Variants in NELL1 observed in about 807,000 individuals in gnomAD.
The protein encoded by NELL1 is neural EGFL like 1.
Under a neutral mutation model 107.4 loss-of-function variants are expected in NELL1, and 76 were observed. The observed-to-expected ratio is 0.71, with a 90% CI of 0.59 to 0.86. NELL1 has a LOEUF of 0.86. NELL1 is among the 40% of genes least tolerant of loss of function. The probability of loss-of-function intolerance (pLI) is 0.00; values close to 1 mark genes in which losing one functional copy is unlikely to be tolerated. For missense variants in NELL1, 1,024 were observed against 1,005.5 expected, an observed-to-expected ratio of 1.02 and a Z score of -0.25; for synonymous variants, 353 against 341.2, an observed-to-expected ratio of 1.03 and a Z score of -0.38.
At chr11:21,542,244 C>T (rs1413172750) in intron 16 of NELL1, among the ~76,000 whole-genome samples, 2 of 152,006 alleles carry the variant, frequency 1.3e-5, no homozygotes, top group African/African-American at 2.4e-5. Flanking sequence ...TCCCAAATTC[C>T]GCAGCTGATA....
At chr11:20,907,125 C>G (rs1263671711) in intron 5 of NELL1, among the ~76,000 whole-genome samples, 2 of 149,486 alleles carry the variant, frequency 1.3e-5, no homozygotes, top group Non-Finnish European at 3.0e-5. Flanking sequence ...ATCTCAAAAT[C>G]AACTAACATT....
chr11:21,422,543 T>C (rs902182027), intron 15 of NELL1, among the ~76,000 whole-genome samples: 9 of 152,038 alleles, frequency 5.9e-5, no homozygotes, highest in African/African-American at 1.9e-4. Context: ...AAAGATGTAA[T>C]TGAAAAAAGT....
At chr11:21,562,157 C>T (rs1856864815) in intron 17 of NELL1, among the ~76,000 whole-genome samples, 1 of 151,958 alleles carries the variant, frequency 6.6e-6, no homozygotes, top group South Asian at 2.1e-4. Context: ...TTTATTTAAG[C>T]CATGATGAAG....
chr11:21,391,520 T>G (rs1440028766), intron 15 of NELL1, among the ~76,000 whole-genome samples: 2 of 151,812 alleles, frequency 1.3e-5, no homozygotes, highest in African/African-American at 4.8e-5. Context: ...ACTTCTGCCT[T>G]ACTTTTCATA....
intron 15 of NELL1, among the ~76,000 whole-genome samples, chr11:21,488,021 C>G (rs889096196): frequency 5.9e-5 from 9 of 151,984 alleles, no homozygotes; most frequent in Non-Finnish European, 1.3e-4. Context: ...CTGGAACACC[C>G]AGATTCATAA....
chr11:21,411,160 G>A (rs759012025), intron 15 of NELL1, among the ~76,000 whole-genome samples: 8 of 152,010 alleles, frequency 5.3e-5, no homozygotes, highest in African/African-American at 1.9e-4. Flanking sequence ...AATTTTCAAG[G>A]TTGGGAGAAT....
intron 15 of NELL1, among the ~76,000 whole-genome samples, chr11:21,446,944 G>C (rs540617451): frequency 1.3e-5 from 2 of 152,292 alleles, no homozygotes; most frequent in African/African-American, 4.8e-5. Context: ...AATTCTACTT[G>C]TTGCTCTATT....
At chr11:21,218,755 G>T (rs1857680186) in intron 13 of NELL1, among the ~76,000 whole-genome samples, 1 of 152,042 alleles carries the variant, frequency 6.6e-6, no homozygotes, top group African/African-American at 2.4e-5. Flanking sequence ...ATCTTTCTGT[G>T]CATGACTTAT....
intron 2 of NELL1, among the ~76,000 whole-genome samples, chr11:20,692,317 C>T (rs1854489604): frequency 1.3e-5 from 2 of 151,468 alleles, no homozygotes; most frequent in South Asian, 2.1e-4. Flanking sequence ...TTATTTCTTG[C>T]CTTCTGCTAG....
chr11:21,096,296 G>A (rs115757048), intron 12 of NELL1, among the ~76,000 whole-genome samples: 354 of 152,174 alleles, frequency 2.3e-3, no homozygotes, highest in African/African-American at 7.9e-3. Context: ...GTAAAAAAAC[G>A]TCCCCTACAT....
At chr11:20,977,156 A>C (rs1005916773) in intron 12 of NELL1, among the ~76,000 whole-genome samples, 8 of 152,110 alleles carry the variant, frequency 5.3e-5, no homozygotes, top group African/African-American at 1.2e-4. Flanking sequence ...AGTATCCTAT[A>C]AACTCTCATA....
At chr11:21,320,860 A>G (rs1849993335) in intron 14 of NELL1, among the ~76,000 whole-genome samples, 1 of 152,220 alleles carries the variant, frequency 6.6e-6, no homozygotes, top group African/African-American at 2.4e-5. Context: ...ATAGTGATCA[A>G]AGTCAAATTT....
intron 3 of NELL1, among the ~76,000 whole-genome samples, chr11:20,799,174 C>G (rs1411209663): frequency 6.6e-6 from 1 of 152,186 alleles, no homozygotes; most frequent in Non-Finnish European, 1.5e-5. Flanking sequence ...TACAAAGACT[C>G]TGTGAAGGAT....
At chr11:20,750,433 G>A (rs1856106470) in intron 2 of NELL1, among the ~76,000 whole-genome samples, 1 of 151,860 alleles carries the variant, frequency 6.6e-6, no homozygotes. Flanking sequence ...ATGAAGCCCA[G>A]TATATATATT....
intron 2 of NELL1, among the ~76,000 whole-genome samples, chr11:20,711,441 AT>A (rs199677356): frequency 6.6e-6 from 1 of 151,472 alleles, no homozygotes; most frequent in East Asian, 1.9e-4. Context: ...AGTACCTTGT[AT>A]TTTTTTCTCA....
At chr11:21,381,992 C>G (rs1426265210) in intron 15 of NELL1, among the ~76,000 whole-genome samples, 2 of 140,586 alleles carry the variant, frequency 1.4e-5, no homozygotes, top group Non-Finnish European at 1.5e-5. Context: ...AGCAAGTTCT[C>G]ACTGTATTAT....
Position 20,878,358 on chromosome 11 carries a change from C to CAAAAAAAA in NELL1, c.507-7073_507-7066dup, listed in dbSNP as rs58962461. Among the ~76,000 whole-genome samples, 342 of 94,606 alleles carry CAAAAAAAA rather than the reference C, an allele frequency of 3.6e-3. 2 individuals are homozygous for CAAAAAAAA. The highest frequency in any genetic ancestry group is 7.1e-3 in the Middle Eastern group (1 of 140). The allele number at this position is 94,606 out of a possible 152,430, so 62.1% of individuals were successfully genotyped here. On this transcript the variant is annotated intron_variant, in intron 4 of 19. Coordinates refer to ENST00000357134, the MANE Select transcript of NELL1 (RefSeq NM_006157.5). ...TGGGGGACAGAGAGAGACCCCGTCTCAAAAAAAAAAAAAAAAAAAAGATGC... is the reference window on the plus strand; with the variant it reads ...TGGGGGACAGAGAGAGACCCCGTCTCAAAAAAAAAAAAAAAAAAAAAAAAAAAAGATGC...
At chr11:21,453,690 C>T (rs1339823406) in intron 15 of NELL1, among the ~76,000 whole-genome samples, 4 of 151,736 alleles carry the variant, frequency 2.6e-5, no homozygotes, top group Admixed American at 2.0e-4. Context: ...TTTATTTACA[C>T]CATCTGTTCT....
intron 15 of NELL1, among the ~76,000 whole-genome samples, chr11:21,431,643 C>G (rs1209880844): frequency 6.6e-6 from 1 of 152,156 alleles, no homozygotes; most frequent in Admixed American, 6.5e-5. Flanking sequence ...CCATACACTA[C>G]CATTCAGATC....
Sources: gnomAD v4.1 joint callset for allele counts (sites outside exome capture counted in the v4.1 genomes callset) on GRCh38, gnomAD v4.1.1 for gene constraint, MANE v1.5 for transcripts, NCBI Gene and HGNC (gene_info 2026-07-23, HGNC 2026-07-21) for gene names.